Variants in SPAG16 observed in about 807,000 individuals in gnomAD.
SPAG16 encodes sperm-associated antigen 16 protein.
Under a neutral mutation model 80.4 loss-of-function variants are expected in SPAG16, and 86 were observed. The observed-to-expected ratio is 1.07, with a 90% CI of 0.90 to 1.28. The LOEUF is 1.28. Among genes scored for constraint, SPAG16 ranks in the 50% most tolerant of loss-of-function variants. The pLI, the probability that SPAG16 is intolerant of heterozygous loss-of-function variation, is 0.00. For synonymous variants in SPAG16, 294 were observed against 265.9 expected (o/e 1.11, Z -1.03); for missense variants, 870 against 765.3 (o/e 1.14, Z -1.61).
At chr2:213,864,612 T>G (rs2075613461) in intron 11 of SPAG16, among the ~76,000 whole-genome samples, 1 of 152,118 alleles carries the variant, frequency 6.6e-6, no homozygotes, top group Non-Finnish European at 1.5e-5. Flanking sequence ...ATTTTTTTCT[T>G]TCCTTTGCTT....
intron 10 of SPAG16, among the ~76,000 whole-genome samples, chr2:213,725,536 A>T (rs1417192641): frequency 6.6e-6 from 1 of 152,194 alleles, no homozygotes; most frequent in Non-Finnish European, 1.5e-5. Flanking sequence ...TCCCCATAGC[A>T]TCCCAAGATG....
chr2:214,063,178 T>C (rs886414623), intron 13 of SPAG16, among the ~76,000 whole-genome samples: 1 of 152,142 alleles, frequency 6.6e-6, no homozygotes, highest in Non-Finnish European at 1.5e-5. Context: ...CCATGTGTGA[T>C]AAATGGGTAC....
intron 1 of SPAG16, among the ~76,000 whole-genome samples, chr2:213,286,082 G>C (rs2062046017): frequency 6.6e-6 from 1 of 152,152 alleles, no homozygotes; most frequent in East Asian, 1.9e-4. Context: ...ATGAAAATCA[G>C]GTTTACTTAA....
chr2:213,718,238 A>G (rs116670745), intron 10 of SPAG16, among the ~76,000 whole-genome samples: 33,198 of 151,656 alleles, frequency 0.22, 4,102 homozygotes, highest in South Asian at 0.32. Context: ...TATGTGGCCA[A>G]TAAACAAATG....
At chr2:213,826,670 T>TCCTTG (rs1049330045) in intron 10 of SPAG16, among the ~76,000 whole-genome samples, 1 of 152,066 alleles carries the variant, frequency 6.6e-6, no homozygotes, top group Non-Finnish European at 1.5e-5. Context: ...ATATGGTCTA[T>TCCTTG]CCTTGAGAAT....
chr2:214,107,438 T>C (rs2053440977), intron 13 of SPAG16, among the ~76,000 whole-genome samples: 1 of 152,110 alleles, frequency 6.6e-6, no homozygotes, highest in Admixed American at 6.6e-5. Flanking sequence ...TTCTACAGAA[T>C]TTGGGTTATT....
At chr2:213,395,362 TA>T (rs1201596324) in intron 9 of SPAG16, among the ~76,000 whole-genome samples, 1 of 152,224 alleles carries the variant, frequency 6.6e-6, no homozygotes, top group Non-Finnish European at 1.5e-5. Context: ...TATAGTGCTA[TA>T]AATTTTCCTC....
intron 9 of SPAG16, among the ~76,000 whole-genome samples, chr2:213,388,390 T>C (rs1389409178): frequency 6.6e-6 from 1 of 152,184 alleles, no homozygotes; most frequent in Non-Finnish European, 1.5e-5. Context: ...CCTTCGTTTT[T>C]CTCATTCCCC....
At chr2:213,731,173 T>TG (rs2067019185) in intron 10 of SPAG16, among the ~76,000 whole-genome samples, 1 of 97,968 alleles carries the variant, frequency 1.0e-5, no homozygotes, top group African/African-American at 3.6e-5. Context: ...TTTTTTTTTT[T>TG]GAGTTGGAGT....
At chr2:213,959,093 G>A (rs1037228826) in intron 12 of SPAG16, among the ~76,000 whole-genome samples, 1 of 152,056 alleles carries the variant, frequency 6.6e-6, no homozygotes, top group Non-Finnish European at 1.5e-5. Context: ...ACTGCCTTCT[G>A]GCTTCCATAG....
At chr2:213,406,966 A>T (rs2068643705) in intron 9 of SPAG16, among the ~76,000 whole-genome samples, 1 of 151,420 alleles carries the variant, frequency 6.6e-6, no homozygotes, top group Admixed American at 6.6e-5. Flanking sequence ...AAGGGAAAAG[A>T]AACTGGCCAG....
Position 213,930,046 on chromosome 2 carries a change from G to A in SPAG16, c.1301G>A (p.Gly434Glu). 4 of 1,614,114 alleles carry A rather than the reference G, an allele frequency of 2.5e-6. No homozygotes were observed. Among genetic ancestry groups the A allele is most frequent in the Non-Finnish European group, 3.4e-6 (4 of 1,180,000 alleles). Residue 434 changes from glycine to glutamate, a missense_variant, in exon 12 of 16, where the codon GGA (glycine) becomes GAA (glutamate). Physicochemically the swap from Gly to Glu is moderately conservative, Grantham distance 98 (BLOSUM62 -2). Coordinates refer to ENST00000331683, the MANE Select transcript of SPAG16 (RefSeq NM_024532.5). ...GGCGATTGCATTTTGACCTTTGAAGGACACAGCCGCGCAGTGTGGTCCTGC... is the reference window on the plus strand; with the variant it reads ...GGCGATTGCATTTTGACCTTTGAAGAACACAGCCGCGCAGTGTGGTCCTGC... ...CKGDCILTFE[G>E]HSRAVWSCTW... is the part of the protein sequence containing the mutation.
At chr2:213,364,307 C>G (rs1294937864) in intron 8 of SPAG16, 162 bp downstream of exon 8, 2 of 360,862 alleles carry the variant, frequency 5.5e-6, no homozygotes, top group Admixed American at 4.7e-5. Context: ...AGATATCATA[C>G]TGTATGGATT....
chr2:214,370,619 CAAGTAT>C (rs1390517908), intron 15 of SPAG16, among the ~76,000 whole-genome samples: 5 of 152,004 alleles, frequency 3.3e-5, no homozygotes, highest in Non-Finnish European at 5.9e-5. Context: ...TGGCAAATTT[CAAGTAT>C]ACAATACAGT....
chr2:213,777,107 G>C (rs2069637994), intron 10 of SPAG16, among the ~76,000 whole-genome samples: 1 of 151,580 alleles, frequency 6.6e-6, no homozygotes, highest in Non-Finnish European at 1.5e-5. Flanking sequence ...CCTTTTTCAT[G>C]TATATCATTT....
intron 9 of SPAG16, among the ~76,000 whole-genome samples, chr2:213,440,491 C>T: frequency 6.6e-6 from 1 of 152,078 alleles, no homozygotes; most frequent in Admixed American, 6.6e-5. Context: ...GGAGGCTGAA[C>T]TTGCAGTGAG....
At chr2:213,692,671 A>G (rs957906869) in intron 10 of SPAG16, among the ~76,000 whole-genome samples, 7 of 152,048 alleles carry the variant, frequency 4.6e-5, no homozygotes, top group South Asian at 4.1e-4. Flanking sequence ...TTAGCCCGCC[A>G]TGGTGGCGGG....
At chr2:214,250,749 T>TAGAG (rs377538514) in intron 15 of SPAG16, among the ~76,000 whole-genome samples, 177 of 92,778 alleles carry the variant, frequency 1.9e-3, no homozygotes, top group Non-Finnish European at 2.6e-3. Context: ...TATATATATA[T>TAGAG]ATATATATAG....
intron 10 of SPAG16, among the ~76,000 whole-genome samples, chr2:213,693,022 A>G (rs1256766037): frequency 1.3e-5 from 2 of 152,230 alleles, no homozygotes; most frequent in Admixed American, 1.3e-4. Flanking sequence ...TCTTTATTAC[A>G]AAAGAATCAT....
Sources: allele counts gnomAD v4.1 joint callset (sites outside exome capture counted in the v4.1 genomes callset), GRCh38; gene constraint gnomAD v4.1.1; transcripts MANE v1.5; gene names NCBI Gene and HGNC (gene_info 2026-07-23, HGNC 2026-07-21).